Variants in SPHK2 observed in about 807,000 individuals in gnomAD.
SPHK2 encodes the protein sphingosine kinase 2.
A neutral mutation model predicts 32.3 loss-of-function variants in SPHK2; 18 were observed. The observed-to-expected ratio is 0.56, with a 90% CI of 0.39 to 0.83. The LOEUF (loss-of-function observed/expected upper bound fraction) is 0.83. Among genes scored for constraint, SPHK2 ranks in the 40% least tolerant of loss-of-function variants. The pLI is 0.00. For missense variants in SPHK2, 850 were observed against 908.7 expected (o/e 0.94, Z 0.83); for synonymous variants, 462 against 417.6 (o/e 1.11, Z -1.30).
intron 2 of SPHK2, chr19:48,623,254 AAAAAGAGAGAGAG>A (rs1974478942): frequency 6.6e-6 from 1 of 151,206 alleles, no homozygotes; most frequent in African/African-American, 2.4e-5. Flanking sequence ...AAAAAAAAAA[AAAAAGAGAGAGAG>A]ACGGGGGTTT....
At position 48,629,522 on chromosome 19, in the gene SPHK2, C is replaced by G; in HGVS notation, c.1714C>G (p.Arg572Gly). Residue 572 changes from arginine (R) to glycine (G), a missense_variant, in exon 7 of 7, where the codon CGT becomes GGT. Around this residue, in one of 2 missense-constraint regions of SPHK2, gnomAD observed 306 missense variants for 268.6 expected, o/e 1.14. Transcript: ENST00000245222. ...DDGLVHLCWVRSGISRAALLR... is the reference protein window; with the variant it reads ...DDGLVHLCWVGSGISRAALLR... ...CGGCCTGGTGCACCTGTGCTGGGTG[C>G]GTAGCGGCATCTCGCGGGCTGCGCT... The G allele has an allele frequency of 6.2e-7, 1 of 1,605,768 alleles. No individual in the cohort carries two copies. Among genetic ancestry groups the G allele is most frequent in the Non-Finnish European group, 8.5e-7 (1 of 1,177,566 alleles).
At position 48,627,696 on chromosome 19, in the gene SPHK2, C is replaced by T. The variant is rs1343826822; in HGVS notation, c.516C>T (p.Ile172=). The T allele has an allele frequency of 6.3e-7, 1 of 1,587,240 alleles. No homozygotes were observed. The highest frequency in any genetic ancestry group is 8.6e-7 in the Non-Finnish European group (1 of 1,166,558). The change falls in exon 4 of 7, where the codon ATC becomes ATT. Residue 172 remains isoleucine, a synonymous_variant. Coordinates refer to ENST00000245222, the MANE Select transcript of SPHK2 (RefSeq NM_020126.5). ...GACCCTAACCTCTCTCCACAGAGAT[C>T]ACCCCTGACCTGCTACCTCGGCCGC... ...RGLPLPGDGE[I]TPDLLPRPPR...
Position 48,620,854 on chromosome 19 carries a change from G to A in SPHK2, c.39+301G>A, listed in dbSNP as rs1408757237. 3.0e-5 allele frequency: 8 copies of A among 265,336 alleles called. No individual in the cohort carries two copies. In the East Asian group the frequency reaches 6.9e-4, roughly 23 times the overall value. The allele number at this position is 265,336 out of a possible 1,614,324, so 16.4% of individuals were successfully genotyped here. A position where few individuals can be genotyped will look rare whatever the true frequency, so the allele number is the denominator to read the frequency against. ...CAGGAGAATCATTTGAACCCGGGAG[G>A]CAGAGGTTGCAGTGAGCCGAGATCG... is the stretch of plus-strand genomic sequence containing the variant. On this transcript the variant is annotated intron_variant, in intron 2 of 6. Coordinates refer to ENST00000245222, the MANE Select transcript of SPHK2 (RefSeq NM_020126.5).
rs751345221 is a variant in SPHK2, at chr19:48,628,836, T to G, written c.1028T>G (p.Val343Gly). The G allele has an allele frequency of 6.2e-7, 1 of 1,613,788 alleles. No individual in the cohort carries two copies. The highest frequency in any genetic ancestry group is 1.1e-5 in the South Asian group (1 of 91,092). Residue 343 changes from valine to glycine, a missense_variant, in exon 7 of 7, where the codon GTG (valine) becomes GGG (glycine). By Grantham distance (109) the Val-to-Gly change is moderately radical (BLOSUM62 -3). Transcript: ENST00000245222. This position sits in a 1 kb window ranked among gnomAD's most constrained non-coding sequence, Gnocchi z 5.2. ...GTGGCCTGGGGCTTCGTGTCAGATGTGGATATCCAGAGCGAGCGCTTCAGG... is the reference window on the plus strand; with the variant it reads ...GTGGCCTGGGGCTTCGTGTCAGATGGGGATATCCAGAGCGAGCGCTTCAGG... Reference protein sequence around the residue: ...LSVAWGFVSDVDIQSERFRAL... With the variant: ...LSVAWGFVSDGDIQSERFRAL...
At chr19:48,620,181 CATA>C (rs1308749633) in intron 1 of SPHK2, among the ~76,000 whole-genome samples, 4 of 152,300 alleles carry the variant, frequency 2.6e-5, no homozygotes. Flanking sequence ...ATATTTTGCA[CATA>C]ATAAGTGCTC....
At chr19:48,625,496 C>A in intron 2 of SPHK2, 1 of 1,221,286 alleles carries the variant, frequency 8.2e-7, no homozygotes, top group Non-Finnish European at 1.0e-6. Flanking sequence ...GCCTTCTTTT[C>A]CCCCAAAGCC....
chr19:48,626,355 G>A lies in SPHK2; in HGVS notation c.504G>A (p.Gly168=), dbSNP rs766297167. ...TGCTCCGAGGACTGCCACTGCCCGG[G>A]GATGGGGGTGAGGTGCTGGGCAGCT... ...TCLLRGLPLP[G]DGEITPDLLP... Residue 168 remains glycine, a synonymous_variant, in exon 3 of 7, where the codon GGG becomes GGA. Coordinates refer to ENST00000245222, the MANE Select transcript of SPHK2 (RefSeq NM_020126.5). 1 of 1,582,516 alleles carries A rather than the reference G, an allele frequency of 6.3e-7. No homozygotes were observed. Among genetic ancestry groups the A allele is most frequent in the Non-Finnish European group, 8.5e-7 (1 of 1,173,158 alleles).
intron 2 of SPHK2, among the ~76,000 whole-genome samples, chr19:48,623,624 CTCTG>C (rs1225169980): frequency 1.3e-5 from 2 of 152,202 alleles, no homozygotes; most frequent in African/African-American, 4.8e-5. Flanking sequence ...GTCCCCATCT[CTCTG>C]TCTCTGTCTT....
At chr19:48,623,759 AGTGTCTGTCTCCATCTGTCTCC>A (rs546798879) in intron 2 of SPHK2, 7 of 152,246 alleles carry the variant, frequency 4.6e-5, no homozygotes, top group Non-Finnish European at 8.8e-5. Flanking sequence ...CCATTCCAGA[AGTGTCTGTCTCCATCTGTCTCC>A]GTGTCTGTCA....
rs45603032 is a variant in SPHK2 at position 48,626,136 on chromosome 19, C to T, written c.285C>T (p.Ala95=). ...CCCGGGGTGGCCTGGTCCCGTTGGC[C>T]GAGGTCTCAGGCTGCTGCACCCTGC... The part of the protein sequence containing the change: ...ARPRGGLVPL[A]EVSGCCTLRS... Residue 95 remains alanine (A), a synonymous_variant, in exon 3 of 7, where the codon GCC becomes GCT. Transcript: ENST00000245222. 4.4e-3 allele frequency: 6,989 copies of T among 1,605,396 alleles called. 199 individuals carry two copies. The Admixed American group carries it at 0.062, about 14-fold the overall frequency.
Position 48,629,458 on chromosome 19 carries a change from C to T in SPHK2, c.1650C>T (p.Gly550=), listed in dbSNP as rs2030365478. 1.2e-6 allele frequency: 2 copies of T among 1,608,342 alleles called. No homozygotes were observed. The highest frequency in any genetic ancestry group is 1.7e-6 in the Non-Finnish European group (2 of 1,178,486). ...TGGCCATCTCGCCCAGCCACCTAGG[C>T]GCTGACCTGGTGGCAGCTCCGCATG... ...LMLAISPSHL[G]ADLVAAPHAR... Residue 550 remains glycine (G), a synonymous_variant, in exon 7 of 7, where the codon GGC becomes GGT. Transcript: ENST00000245222.
chr19:48,626,034 A>C lies in SPHK2; in HGVS notation c.183A>C (p.Arg61=), dbSNP rs1974603471. 1 of 1,613,332 alleles carries C rather than the reference A, an allele frequency of 6.2e-7. No individual in the cohort carries two copies. The highest frequency in any genetic ancestry group is 1.3e-5 in the African/African-American group (1 of 74,932). ...LHGEFGSYPA[R]GPRFALTLTS... The stretch of plus-strand genomic sequence containing the variant: ...GCGAGTTTGGCTCCTACCCAGCCCG[A>C]GGCCCACGCTTTGCCCTCACCCTTA... The change falls in exon 3 of 7, where the codon CGA becomes CGC. Residue 61 remains arginine, a synonymous_variant. Transcript: ENST00000245222.
In SPHK2 at chr19:48,625,727, C is replaced by A. The variant is rs141842635; in HGVS notation, c.40-164C>A. On this transcript the variant is annotated intron_variant, in intron 2 of 6. Transcript: ENST00000245222. ...CTCTGGGATGCTGGCCTCTGTCCCG[C>A]ATCCTCAAGGTCTGCCCACACCTGT... 1,891 of 1,535,164 alleles carry A rather than the reference C, an allele frequency of 1.2e-3. 2 individuals are homozygous for A. The highest frequency in any genetic ancestry group is 1.5e-3 in the Non-Finnish European group (1,676 of 1,146,646).
chr19:48,627,950 C>T (rs1203428487), intron 4 of SPHK2, 25 bp from the exon 5 acceptor site: 1 of 1,569,178 alleles, frequency 6.4e-7, no homozygotes. Flanking sequence ...GACAGCCTGC[C>T]TAACAGCCCG....
chr19:48,627,448 G>GCTCTGAA (rs1168068271), intron 3 of SPHK2, among the ~76,000 whole-genome samples: 19 of 152,250 alleles, frequency 1.2e-4, no homozygotes, highest in African/African-American at 4.3e-4. Context: ...GGGAACCACA[G>GCTCTGAA]CTCTGAACTA....
intron 1 of SPHK2, 78 bp downstream of exon 1, chr19:48,619,621 G>A (rs1348648515): frequency 5.3e-6 from 1 of 186,948 alleles, no homozygotes; most frequent in African/African-American, 2.4e-5. Context: ...TTCCTTATCA[G>A]GTTCACCGCT....
chr19:48,627,921 G>C, intron 4 of SPHK2, 54 bp from the exon 5 acceptor site: 1 of 1,570,848 alleles, frequency 6.4e-7, no homozygotes, highest in South Asian at 1.2e-5. Context: ...GGACTCCTGG[G>C]TCTATGGGGC....
At chr19:48,625,562 C>T (rs1974576188) in intron 2 of SPHK2, 5 of 1,355,128 alleles carry the variant, frequency 3.7e-6, no homozygotes, top group Admixed American at 4.7e-5. Context: ...TTTATCTATT[C>T]CTATGAAGGC....
At chr19:48,621,981 C>T (rs867843710) in intron 2 of SPHK2, among the ~76,000 whole-genome samples, 13 of 152,158 alleles carry the variant, frequency 8.5e-5, no homozygotes, top group Middle Eastern at 6.8e-3. Flanking sequence ...TCGGGCCGGG[C>T]GCAGTGGCTC....
Sources: gnomAD v4.1 joint callset for allele counts (sites outside exome capture counted in the v4.1 genomes callset) on GRCh38, gnomAD v4.1.1 for gene constraint, gnomAD v4.1.1 regional missense constraint, Gnocchi (gnomAD v3.1) non-coding constraint, MANE v1.5 for transcripts, NCBI Gene and HGNC (gene_info 2026-07-23, HGNC 2026-07-21) for gene names.